The following PIK3CG variants were observed in gnomAD, a reference collection of about 807,000 sequenced individuals.
The protein encoded by PIK3CG is phosphatidylinositol 4,5-bisphosphate 3-kinase catalytic subunit gamma isoform.
A neutral mutation model predicts 102.3 loss-of-function variants in PIK3CG; 55 were observed. The ratio of observed to expected loss-of-function variants is 0.54; its 90% CI spans 0.43 to 0.67. PIK3CG has a LOEUF of 0.67. Ranked by LOEUF, PIK3CG falls within the 30% of genes least tolerant of loss-of-function variation. The pLI is 0.00. For missense variants in PIK3CG, 1,258 were observed against 1,391.8 expected (o/e 0.90, Z 1.53); for synonymous variants, 552 against 540.0 (o/e 1.02, Z -0.31).
rs759968022 is a variant in PIK3CG, at chr7:106,868,590, C to T, written c.1029C>T (p.Gly343=). The T allele has an allele frequency of 6.2e-7, 1 of 1,614,212 alleles. No homozygotes were observed. Among genetic ancestry groups the T allele is most frequent in the Non-Finnish European group, 8.5e-7 (1 of 1,180,044 alleles). Residue 343 remains glycine, a synonymous_variant, in exon 2 of 11, where the codon GGC becomes GGT. Transcript: ENST00000496166. This position sits in a 1 kb window ranked among gnomAD's most constrained non-coding sequence, Gnocchi z 6.2. ...TGYHEQLTIH[G]KDHESVFTVS... is the part of the protein sequence containing the mutation. The stretch of plus-strand genomic sequence containing the variant: ...ACCATGAGCAGCTTACCATCCACGG[C>T]AAGGACCACGAGAGTGTGTTCACCG...
At chr7:106,882,338 A>G (rs1246936180) in intron 7 of PIK3CG, 131 bp downstream of exon 7, 4 of 403,196 alleles carry the variant, frequency 9.9e-6, no homozygotes, top group South Asian at 1.1e-4. Flanking sequence ...AAACATTTCT[A>G]TGCTGGTGAA....
chr7:106,887,933 C>CTT (rs71156344), intron 10 of PIK3CG, among the ~76,000 whole-genome samples: 1,211 of 60,592 alleles, frequency 0.02, 311 homozygotes, highest in African/African-American at 0.033. Context: ...GACGACTCTC[C>CTT]TTTTTTTTTT....
intron 10 of PIK3CG, among the ~76,000 whole-genome samples, chr7:106,887,614 G>T (rs989078555): frequency 6.6e-6 from 1 of 152,132 alleles, no homozygotes; most frequent in Admixed American, 6.5e-5. Flanking sequence ...ATGGTCTTGT[G>T]ATTTTTTAGT....
At position 106,868,269 on chromosome 7, in the gene PIK3CG, AC is replaced by A. The variant is rs767360862; in HGVS notation, c.711del (p.Asp238ThrfsTer21). On this transcript the variant is annotated frameshift_variant, in exon 2 of 11. Coordinates refer to ENST00000496166, the MANE Select transcript of PIK3CG (RefSeq NM_001282426.2). LOFTEE classifies it high-confidence loss of function. This position sits in a 1 kb window ranked among gnomAD's most constrained non-coding sequence, Gnocchi z 6.2. ...STTSQTIKVS[P>X]DDTPGAILQS... Reference sequence around the variant, plus strand: ...CCACCAGCCAGACCATTAAGGTCTCACCCGACGACACCCCCGGCGCCATCCT... The same window carrying A: ...CCACCAGCCAGACCATTAAGGTCTCACCGACGACACCCCCGGCGCCATCCT... 10 of 1,613,858 alleles carry A rather than the reference AC, an allele frequency of 6.2e-6. No individual in the cohort carries two copies. The highest frequency in any genetic ancestry group is 8.5e-6 in the Non-Finnish European group (10 of 1,180,002).
In PIK3CG at chr7:106,893,202, G is replaced by A. The variant is rs1167618104; in HGVS notation, c.3030+6910G>A. Among the ~76,000 whole-genome samples, 3 of 152,070 alleles carry A rather than the reference G, an allele frequency of 2.0e-5. No individual in the cohort carries two copies. The highest frequency in any genetic ancestry group is 2.9e-5 in the Non-Finnish European group (2 of 68,018). On this transcript the variant is annotated intron_variant, in intron 10 of 10. Coordinates refer to ENST00000496166, the MANE Select transcript of PIK3CG (RefSeq NM_001282426.2). This position sits in a 1 kb window ranked among gnomAD's most constrained non-coding sequence, Gnocchi z 4.4. ...GATTCCGTCTTGGGATCTGCACCCC[G>A]ACCCACTGACTAGGCCAGGCTCAGG...
rs980180423 is a variant in PIK3CG, at chr7:106,893,918, C to T, written c.3030+7626C>T. On this transcript the variant is annotated intron_variant, in intron 10 of 10. Transcript: ENST00000496166. The surrounding 1 kb of genome is among the most constrained non-coding windows in gnomAD (Gnocchi z 4.4). ...CCAAACCTGTACAGCATGTTACTTA[C>T]TGAATACTGTAGGCAGTTGTGACAC... Among the ~76,000 whole-genome samples, 2 of 152,194 alleles carry T rather than the reference C, an allele frequency of 1.3e-5. No individual in the cohort carries two copies. The highest frequency in any genetic ancestry group is 2.4e-5 in the African/African-American group (1 of 41,444).
rs2116490827 is a variant in PIK3CG at position 106,872,964 on chromosome 7, C to G, written c.2287+26C>G. 2 of 1,502,140 alleles carry G rather than the reference C, an allele frequency of 1.3e-6. No individual in the cohort carries two copies. Among genetic ancestry groups the G allele is most frequent in the Non-Finnish European group, 9.3e-7 (1 of 1,078,934 alleles). 93.1% of individuals were successfully genotyped at this position (1,502,140 alleles called of 1,614,324 possible). Reference sequence around the variant, plus strand: ...GTACGGTGGCTATATTTTCTGTGTTCTCTTTCCAAATGCCTTCATCTCCAA... The same window carrying G: ...GTACGGTGGCTATATTTTCTGTGTTGTCTTTCCAAATGCCTTCATCTCCAA... On this transcript the variant is annotated intron_variant, in intron 4 of 10. Coordinates refer to ENST00000496166, the MANE Select transcript of PIK3CG (RefSeq NM_001282426.2). The surrounding 1 kb of genome is among the most constrained non-coding windows in gnomAD (Gnocchi z 5.3).
chr7:106,888,234 C>T (rs951086301), intron 10 of PIK3CG, among the ~76,000 whole-genome samples: 5 of 151,992 alleles, frequency 3.3e-5, no homozygotes, highest in African/African-American at 1.2e-4. Flanking sequence ...CCACTGTGCC[C>T]AGCCGACTCT....
At position 106,867,524 on chromosome 7, in the gene PIK3CG, A is replaced by G. The variant is rs1484017992; in HGVS notation, c.-12-26A>G. 10 of 1,518,608 alleles carry G rather than the reference A, an allele frequency of 6.6e-6. No homozygotes were observed. The highest frequency in any genetic ancestry group is 8.8e-6 in the Non-Finnish European group (10 of 1,134,580). The allele number at this position is 1,518,608 out of a possible 1,614,324, so 94.1% of individuals were successfully genotyped here. ...AAGGGGAAAGTGCCTTTCTTGTGAC[A>G]AATCCCTGTGTCCCTCCGCTCCCAG... On this transcript the variant is annotated intron_variant, in intron 1 of 10. Coordinates refer to ENST00000496166, the MANE Select transcript of PIK3CG (RefSeq NM_001282426.2). The surrounding 1 kb of genome is among the most constrained non-coding windows in gnomAD (Gnocchi z 5.1).
chr7:106,882,929 A>AC, intron 7 of PIK3CG, 104 bp from the exon 8 acceptor site: 3 of 962,284 alleles, frequency 3.1e-6, no homozygotes, highest in Non-Finnish European at 4.5e-6. Context: ...AAAAAAAAAA[A>AC]AAAAAAAACC....
At position 106,867,985 on chromosome 7, in the gene PIK3CG, C is replaced by T. The variant is rs2116427468; in HGVS notation, c.424C>T (p.Pro142Ser). The T allele has an allele frequency of 6.2e-7, 1 of 1,612,248 alleles. No individual in the cohort carries two copies. Among genetic ancestry groups the T allele is most frequent in the Non-Finnish European group, 8.5e-7 (1 of 1,179,222 alleles). The change falls in exon 2 of 11, where the codon CCG (proline) becomes TCG (serine). Residue 142 changes from proline to serine, a missense_variant. Pro to Ser is a moderately conservative substitution (Grantham distance 74). Transcript: ENST00000496166. This position sits in a 1 kb window ranked among gnomAD's most constrained non-coding sequence, Gnocchi z 5.1. ...PGQIHLVQRH[P>S]PSEESQAFQR... ...CCAGATCCACCTGGTGCAGCGGCAC[C>T]CGCCCTCCGAGGAGTCCCAAGCCTT...
chr7:106,892,373 G>A lies in PIK3CG; in HGVS notation c.3030+6081G>A, dbSNP rs943651004. Among the ~76,000 whole-genome samples, 3 of 152,154 alleles carry A rather than the reference G, an allele frequency of 2.0e-5. No individual in the cohort carries two copies. Among genetic ancestry groups the A allele is most frequent in the South Asian group, 2.1e-4 (1 of 4,822 alleles). On this transcript the variant is annotated intron_variant, in intron 10 of 10. Transcript: ENST00000496166. This position sits in a 1 kb window ranked among gnomAD's most constrained non-coding sequence, Gnocchi z 5.2. ...ATCCAAAATAGGACACTAATTCAAC[G>A]CACACTGACTAAATACATACTACAG...
At position 106,867,577 on chromosome 7, in the gene PIK3CG, T is replaced by C. The variant is rs559570764; in HGVS notation, c.16T>C (p.Tyr6His). 173 of 1,583,698 alleles carry C rather than the reference T, an allele frequency of 1.1e-4. 1 individual carries two copies. The South Asian group carries it at 1.9e-3, about 17-fold the overall frequency. Residue 6 changes from tyrosine to histidine, a missense_variant, in exon 2 of 11, where the codon TAT (tyrosine) becomes CAT (histidine). Physicochemically the swap from Tyr to His is moderately conservative, Grantham distance 83. This residue lies in a region of PIK3CG where 832 missense variants were observed against 787.5 expected (regional missense o/e 1.06). Transcript: ENST00000496166. The surrounding 1 kb of genome is among the most constrained non-coding windows in gnomAD (Gnocchi z 5.1). MELEN[Y>H]KQPVVLREDN... ...CGCATAGGGCATGGAGCTGGAGAAC[T>C]ATAAACAGCCCGTGGTGCTGAGAGA... is the stretch of plus-strand genomic sequence containing the variant.
rs1791758607 is a variant in PIK3CG, at chr7:106,908,966, A to C, written c.*3579A>C. 6.6e-6 allele frequency among the ~76,000 whole-genome samples: 1 copy of C among 152,104 alleles called. No homozygotes were observed. Among genetic ancestry groups the C allele is most frequent in the Admixed American group, 6.5e-5 (1 of 15,274 alleles). Reference sequence around the variant, plus strand: ...AATTCTGATAAATAAATTTGGTTCTAGTTTGGTGCTTGTCTGCATAGTCTC... The same window carrying C: ...AATTCTGATAAATAAATTTGGTTCTCGTTTGGTGCTTGTCTGCATAGTCTC... On this transcript the variant is annotated 3_prime_UTR_variant, in exon 11 of 11. Coordinates refer to ENST00000496166, the MANE Select transcript of PIK3CG (RefSeq NM_001282426.2). The surrounding 1 kb of genome is among the most constrained non-coding windows in gnomAD (Gnocchi z 4.1).
intron 10 of PIK3CG, among the ~76,000 whole-genome samples, chr7:106,889,099 A>G (rs975218091): frequency 3.9e-5 from 6 of 152,130 alleles, no homozygotes; most frequent in Non-Finnish European, 4.4e-5. Flanking sequence ...ATCTCAGGTA[A>G]TATATAAAAC....
chr7:106,885,509 T>C (rs1329543969), intron 9 of PIK3CG, among the ~76,000 whole-genome samples: 1 of 152,120 alleles, frequency 6.6e-6, no homozygotes, highest in Non-Finnish European at 1.5e-5. Context: ...TGGGGACAGA[T>C]TGCTTACTTC....
At position 106,884,385 on chromosome 7, in the gene PIK3CG, C is replaced by T; in HGVS notation, c.2872+119C>T. ...AGTTCAGTGGCATTACATATGTTCA[C>T]CTTGTTGTACAACCATCATCACCAT... On this transcript the variant is annotated intron_variant, in intron 9 of 10. Transcript: ENST00000496166. This position sits in a 1 kb window ranked among gnomAD's most constrained non-coding sequence, Gnocchi z 4.2. The T allele has an allele frequency of 1.5e-6, 1 of 671,380 alleles. No homozygotes were observed. The highest frequency in any genetic ancestry group is 2.6e-6 in the Non-Finnish European group (1 of 391,374). The allele number at this position is 671,380 out of a possible 1,614,324, so 41.6% of individuals were successfully genotyped here. A position where few individuals can be genotyped will look rare whatever the true frequency, so the allele number is the denominator to read the frequency against.
chr7:106,867,015 A>AT lies in PIK3CG; in HGVS notation c.-12-529dup, dbSNP rs908669692. On this transcript the variant is annotated intron_variant, in intron 1 of 10. Coordinates refer to ENST00000496166, the MANE Select transcript of PIK3CG (RefSeq NM_001282426.2). The surrounding 1 kb of genome is among the most constrained non-coding windows in gnomAD (Gnocchi z 5.1). ...GTTAAAGGCCTGTTTTCAAAGTGAGATTTTTTGGCATCTCGTGTTGCACCT... is the reference window on the plus strand; with the variant it reads ...GTTAAAGGCCTGTTTTCAAAGTGAGATTTTTTTGGCATCTCGTGTTGCACCT... 4.6e-5 allele frequency among the ~76,000 whole-genome samples: 7 copies of AT among 152,124 alleles called. No homozygotes were observed. Among genetic ancestry groups the AT allele is most frequent in the African/African-American group, 1.4e-4 (6 of 41,408 alleles).
Position 106,907,292 on chromosome 7 carries a change from T to G in PIK3CG, c.*1905T>G, listed in dbSNP as rs944992892. 1 of 155,008 alleles carries G rather than the reference T, an allele frequency of 6.5e-6. No homozygotes were observed. Among genetic ancestry groups the G allele is most frequent in the African/African-American group, 2.4e-5 (1 of 41,558 alleles). The allele number at this position is 155,008 out of a possible 1,614,324, so 9.6% of individuals were successfully genotyped here. A position where few individuals can be genotyped will look rare whatever the true frequency, so the allele number is the denominator to read the frequency against. ...CGTGGCCTTTGAAGGTCTAGATGAT[T>G]CTTCTTCCTTGCCCTTTGAGCTTTT... is the stretch of plus-strand genomic sequence containing the variant. On this transcript the variant is annotated 3_prime_UTR_variant, in exon 11 of 11. Transcript: ENST00000496166.
Sources: gnomAD v4.1 joint callset for allele counts (sites outside exome capture counted in the v4.1 genomes callset) on GRCh38, gnomAD v4.1.1 for gene constraint, gnomAD v4.1.1 regional missense constraint, Gnocchi (gnomAD v3.1) non-coding constraint, MANE v1.5 for transcripts, NCBI Gene and HGNC (gene_info 2026-07-23, HGNC 2026-07-21) for gene names.